PAPPA: variants seen among roughly 807,000 people sequenced by gnomAD.
PAPPA encodes the protein pappalysin 1.
Under a neutral mutation model 164.0 loss-of-function variants are expected in PAPPA, and 60 were observed. The ratio of observed to expected loss-of-function variants is 0.37; its 90% CI spans 0.30 to 0.45. The LOEUF (loss-of-function observed/expected upper bound fraction) is 0.45. Ranked by LOEUF, PAPPA falls within the 20% of genes least tolerant of loss-of-function variation. The pLI is 1.00. For synonymous variants in PAPPA, 875 were observed against 814.1 expected (o/e 1.07, Z -1.27); for missense variants, 1,782 against 2,087.3 (o/e 0.85, Z 2.85).
At chr9:116,247,387 CATTGTTTGAA>C (rs1844809310) in intron 7 of PAPPA, among the ~76,000 whole-genome samples, 3 of 152,146 alleles carry the variant, frequency 2.0e-5, no homozygotes, top group Admixed American at 6.5e-5. Context: ...TCTATTCTGA[CATTGTTTGAA>C]AAAGGTACCC....
chr9:116,240,487 C>T (rs887353696), intron 7 of PAPPA, among the ~76,000 whole-genome samples: 7 of 152,228 alleles, frequency 4.6e-5, no homozygotes, highest in African/African-American at 1.7e-4. Flanking sequence ...ATTATAGACA[C>T]AAGGTAAGCA....
intron 9 of PAPPA, among the ~76,000 whole-genome samples, chr9:116,282,623 G>A (rs1044732787): frequency 2.6e-5 from 4 of 152,172 alleles, no homozygotes; most frequent in Non-Finnish European, 4.4e-5. Flanking sequence ...GAGATGTTAC[G>A]TTCCCAGTAA....
At chr9:116,221,573 G>A (rs1844446435) in intron 5 of PAPPA, among the ~76,000 whole-genome samples, 2 of 152,122 alleles carry the variant, frequency 1.3e-5, no homozygotes, top group African/African-American at 4.8e-5. Flanking sequence ...GCTGAAAGAG[G>A]CTGAAAGGTG....
At chr9:116,176,883 C>T (rs939685295) in intron 1 of PAPPA, among the ~76,000 whole-genome samples, 2 of 151,964 alleles carry the variant, frequency 1.3e-5, no homozygotes, top group Non-Finnish European at 2.9e-5. Context: ...GAGAAAGTTA[C>T]CACATCAGGG....
intron 9 of PAPPA, among the ~76,000 whole-genome samples, chr9:116,301,780 AG>A (rs1845582121): frequency 6.6e-6 from 1 of 152,222 alleles, no homozygotes; most frequent in African/African-American, 2.4e-5. Context: ...ACAAGCCCTT[AG>A]AAGCCTATAG....
intron 1 of PAPPA, among the ~76,000 whole-genome samples, chr9:116,175,324 A>G (rs983391955): frequency 6.6e-6 from 1 of 152,218 alleles, no homozygotes; most frequent in Non-Finnish European, 1.5e-5. Flanking sequence ...ATTATACAAC[A>G]TGATGACTAT....
chr9:116,199,505 C>T (rs991406109), intron 2 of PAPPA, among the ~76,000 whole-genome samples: 41 of 152,152 alleles, frequency 2.7e-4, no homozygotes, highest in African/African-American at 9.7e-4. Flanking sequence ...ATGCCTCCTT[C>T]TCCACTTTCA....
At chr9:116,332,846 G>A (rs76316634) in intron 12 of PAPPA, 2 of 174,060 alleles carry the variant, frequency 1.1e-5, no homozygotes, top group Admixed American at 1.2e-4. Context: ...TCACATGGCA[G>A]GTCAGGAATT....
chr9:116,327,264 C>A (rs1312919712), intron 10 of PAPPA, among the ~76,000 whole-genome samples: 2 of 152,170 alleles, frequency 1.3e-5, no homozygotes, highest in Non-Finnish European at 2.9e-5. Flanking sequence ...TTCCTGACAT[C>A]TCTAGGGCTG....
chr9:116,236,412 C>T (rs767464166), intron 7 of PAPPA, among the ~76,000 whole-genome samples: 7 of 151,866 alleles, frequency 4.6e-5, no homozygotes, highest in Non-Finnish European at 7.4e-5. Context: ...TGGTGAAACC[C>T]CGTCTCTACT....
chr9:116,333,800 G>A (rs923813687), intron 12 of PAPPA, among the ~76,000 whole-genome samples: 1 of 152,062 alleles, frequency 6.6e-6, no homozygotes, highest in Non-Finnish European at 1.5e-5. Context: ...GAAAAGTCTG[G>A]TTCCACAGGA....
In PAPPA at chr9:116,183,171, C is replaced by T. The variant is rs147886604; in HGVS notation, c.416-3983C>T. Among the ~76,000 whole-genome samples, 81 of 152,020 alleles carry T rather than the reference C, an allele frequency of 5.3e-4. 1 individual carries two copies. Among genetic ancestry groups the T allele is most frequent in the African/African-American group, 1.9e-3 (78 of 41,454 alleles). Reference sequence around the variant, plus strand: ...ACTGTGAGGAAGGGCAGTGTGGAGACGTGGGGGTTCTTTTGTGTCCTCCAG... The same window carrying T: ...ACTGTGAGGAAGGGCAGTGTGGAGATGTGGGGGTTCTTTTGTGTCCTCCAG... On this transcript the variant is annotated intron_variant, in intron 1 of 21. Transcript: ENST00000328252.
At chr9:116,253,102 C>T (rs1844878830) in intron 7 of PAPPA, among the ~76,000 whole-genome samples, 1 of 151,982 alleles carries the variant, frequency 6.6e-6, no homozygotes, top group African/African-American at 2.4e-5. Context: ...AATGTGTGCT[C>T]ACTTTTGTAA....
chr9:116,266,795 T>C (rs2118815580), intron 8 of PAPPA, among the ~76,000 whole-genome samples: 1 of 152,298 alleles, frequency 6.6e-6, no homozygotes, highest in East Asian at 1.9e-4. Context: ...GAGAATTTTG[T>C]CTCTAGAGGT....
At chr9:116,274,702 C>T (rs531647422) in intron 9 of PAPPA, among the ~76,000 whole-genome samples, 1 of 152,300 alleles carries the variant, frequency 6.6e-6, no homozygotes, top group Non-Finnish European at 1.5e-5. Flanking sequence ...ATCAGAATTT[C>T]CTTCTTAGAC....
chr9:116,284,541 G>T, intron 9 of PAPPA, among the ~76,000 whole-genome samples: 1 of 124,566 alleles, frequency 8.0e-6, no homozygotes, highest in African/African-American at 3.5e-5. Context: ...TCTTTAGTCT[G>T]GGCCTTTTTT....
intron 17 of PAPPA, among the ~76,000 whole-genome samples, chr9:116,356,217 T>C (rs554497821): frequency 8.0e-4 from 122 of 152,352 alleles, no homozygotes; most frequent in African/African-American, 2.8e-3. Flanking sequence ...CCAGCTTTAT[T>C]ACCTAGTCAC....
chr9:116,187,687 C>T lies in PAPPA; in HGVS notation c.949C>T (p.Leu317=), dbSNP rs764296221. ...GGAATTCAGCAATGCCCACGGCTTT[C>T]TGCTGGACACGAGTCTGGAGCCTCC... is the stretch of plus-strand genomic sequence containing the variant. ...KVEFSNAHGF[L]LDTSLEPPLC... Residue 317 remains leucine (L), a synonymous_variant, in exon 2 of 22, where the codon CTG becomes TTG. Coordinates refer to ENST00000328252, the MANE Select transcript of PAPPA (RefSeq NM_002581.5). This position sits in a 1 kb window ranked among gnomAD's most constrained non-coding sequence, Gnocchi z 4.2. 6.2e-7 allele frequency: 1 copy of T among 1,614,268 alleles called. No homozygotes were observed. The highest frequency in any genetic ancestry group is 1.7e-5 in the Admixed American group (1 of 60,032).
rs1055049817 is a variant in PAPPA at position 116,378,111 on chromosome 9, T to C, written c.4677+464T>C. 9.2e-5 allele frequency among the ~76,000 whole-genome samples: 14 copies of C among 152,220 alleles called. 1 individual carries two copies. The highest frequency in any genetic ancestry group is 1.3e-4 in the Admixed American group (2 of 15,280). On this transcript the variant is annotated intron_variant, in intron 20 of 21. Transcript: ENST00000328252. ...AGACCTATTCCTTCTGCCCCACATC[T>C]TAGTCATTTACTCATGCCTCAATCC...
Sources: allele counts gnomAD v4.1 joint callset (sites outside exome capture counted in the v4.1 genomes callset), GRCh38; gene constraint gnomAD v4.1.1; non-coding constraint Gnocchi (gnomAD v3.1); transcripts MANE v1.5; gene names NCBI Gene and HGNC (gene_info 2026-07-23, HGNC 2026-07-21).